CDON: variants seen among roughly 807,000 people sequenced by gnomAD.
The protein encoded by CDON is cell adhesion molecule-related/down-regulated by oncogenes.
A neutral mutation model predicts 120.9 loss-of-function variants in CDON; 73 were observed. The observed-to-expected ratio is 0.60, with a 90% CI of 0.50 to 0.73. CDON has a LOEUF of 0.73. CDON is among the 30% of genes least tolerant of loss of function. CDON has a pLI of 0.00. For missense variants in CDON, 1,470 were observed against 1,587.3 expected (o/e 0.93, Z 1.26); for synonymous variants, 566 against 573.5 (o/e 0.99, Z 0.19).
intron 18 of CDON, among the ~76,000 whole-genome samples, chr11:125,973,615 C>T (rs768856660): frequency 3.9e-5 from 6 of 152,308 alleles, no homozygotes; most frequent in African/African-American, 4.8e-5. Context: ...TGATTTCACT[C>T]GCCTTTTAAT....
intron 1 of CDON, among the ~76,000 whole-genome samples, chr11:126,061,528 C>T (rs1295681306): frequency 6.6e-6 from 1 of 152,168 alleles, no homozygotes; most frequent in Non-Finnish European, 1.5e-5. Context: ...TAACACCCTC[C>T]CCACCTTCCT....
intron 1 of CDON, among the ~76,000 whole-genome samples, chr11:126,058,231 T>C (rs1264967424): frequency 1.3e-5 from 2 of 152,220 alleles, no homozygotes; most frequent in Non-Finnish European, 2.9e-5. Flanking sequence ...GGCACATCAG[T>C]GGCTCTTAAG....
rs766454242 is a variant in CDON, at chr11:126,005,892, C to A, written c.1718G>T (p.Gly573Val). 2 of 1,614,102 alleles carry A rather than the reference C, an allele frequency of 1.2e-6. No homozygotes were observed. Among genetic ancestry groups the A allele is most frequent in the Admixed American group, 1.7e-5 (1 of 60,016 alleles). Residue 573 changes from glycine (G) to valine (V), a missense_variant, in exon 9 of 20, where the codon GGC (glycine) becomes GTC (valine). Gly to Val is a moderately radical substitution (Grantham distance 109). Transcript: ENST00000531738. ...VESAPEKNAS[G>V]ISVPDAPIIL... Reference sequence around the variant, plus strand: ...GATGGGGGCATCAGGAACAGAGATGCCGCTGGCGTTTTTCTCTGGTGCTGA... The same window carrying A: ...GATGGGGGCATCAGGAACAGAGATGACGCTGGCGTTTTTCTCTGGTGCTGA...
intron 1 of CDON, among the ~76,000 whole-genome samples, chr11:126,050,115 G>A (rs79424347): frequency 0.011 from 1,594 of 150,954 alleles, 28 homozygotes; most frequent in African/African-American, 0.037. Context: ...AAGATACCAG[G>A]GAGTCAATTT....
chr11:125,973,042 T>TTTTTA (rs1946049860), intron 18 of CDON, among the ~76,000 whole-genome samples: 3 of 110,124 alleles, frequency 2.7e-5, no homozygotes, highest in Non-Finnish European at 5.7e-5. Context: ...TTTTTTTTTT[T>TTTTTA]AAATCCCTCA....
chr11:126,048,478 C>G (rs529144051), intron 1 of CDON, among the ~76,000 whole-genome samples: 1 of 152,194 alleles, frequency 6.6e-6, no homozygotes, highest in African/African-American at 2.4e-5. Context: ...TATGCTATTA[C>G]AATCATCCAA....
intron 4 of CDON, 68 bp downstream of exon 4, chr11:126,019,551 C>T: frequency 6.4e-7 from 1 of 1,558,916 alleles, no homozygotes; most frequent in Non-Finnish European, 8.8e-7. Context: ...GCACACAGAG[C>T]TTAGAAGTAG....
Position 126,021,429 on chromosome 11 carries a change from G to A in CDON, c.168C>T (p.Thr56=), listed in dbSNP as rs1334988120. 1 of 1,614,044 alleles carries A rather than the reference G, an allele frequency of 6.2e-7. No homozygotes were observed. The highest frequency in any genetic ancestry group is 8.5e-7 in the Non-Finnish European group (1 of 1,179,960). The part of the protein sequence containing the change: ...VVLHCSAQPV[T]TRISWLHNGK... ...CGTTATGCAGCCATGAGATACGAGT[G>A]GTCACAGGTTGAGCAGAACAATGCA... Residue 56 remains threonine, a synonymous_variant, in exon 3 of 20, where the codon ACC becomes ACT. Transcript: ENST00000531738.
intron 3 of CDON, among the ~76,000 whole-genome samples, chr11:126,020,426 G>T (rs1947599239): frequency 1.3e-5 from 2 of 152,090 alleles, no homozygotes; most frequent in Admixed American, 1.3e-4. Context: ...GTTCACTACG[G>T]ACGGAGCCTG....
At chr11:126,004,120 A>C (rs146913685) in intron 9 of CDON, 44 bp from the exon 10 acceptor site, 1 of 1,588,688 alleles carries the variant, frequency 6.3e-7, no homozygotes, top group Admixed American at 1.7e-5. Flanking sequence ...CAGGAGATGG[A>C]GGATAGGAAA....
At chr11:126,015,035 A>G (rs1373543798) in intron 7 of CDON, 1 of 600,374 alleles carries the variant, frequency 1.7e-6, no homozygotes, top group Non-Finnish European at 2.9e-6. Context: ...AATTTTTTAA[A>G]AACTTTTTTT....
At chr11:125,961,128 A>G in intron 19 of CDON, 23 bp from the exon 20 acceptor site, 1 of 1,610,958 alleles carries the variant, frequency 6.2e-7, no homozygotes, top group African/African-American at 1.3e-5. Context: ...AGGGTTTGGG[A>G]GCATTATCAA....
At chr11:125,973,444 T>C (rs1226580826) in intron 18 of CDON, among the ~76,000 whole-genome samples, 3 of 152,126 alleles carry the variant, frequency 2.0e-5, no homozygotes, top group African/African-American at 7.2e-5. Flanking sequence ...AGGCAGAGAA[T>C]TGCTTGAACC....
chr11:126,049,370 C>T (rs952993076), intron 1 of CDON, among the ~76,000 whole-genome samples: 9 of 152,194 alleles, frequency 5.9e-5, no homozygotes, highest in Admixed American at 2.0e-4. Context: ...TAAGCAAGGC[C>T]AGAGTTTTCC....
Position 125,961,775 on chromosome 11 carries a change from C to T in CDON, c.3580G>A (p.Val1194Ile). Residue 1194 changes from valine to isoleucine, a missense_variant, in exon 19 of 20, where the codon GTA becomes ATA. Physicochemically the swap from Val to Ile is conservative, Grantham distance 29 (BLOSUM62 3). Transcript: ENST00000531738. ...GAGCCATCAGAGCTGACGTCATTTA[C>T]AATGTCCTGACAGCAGGTACGCTGA... Reference protein sequence around the residue: ...PTQRTCCQDIVNDVSSDGSED... With the variant: ...PTQRTCCQDIINDVSSDGSED... The T allele has an allele frequency of 6.2e-7, 1 of 1,614,162 alleles. No homozygotes were observed. The highest frequency in any genetic ancestry group is 8.5e-7 in the Non-Finnish European group (1 of 1,180,004).
intron 1 of CDON, among the ~76,000 whole-genome samples, chr11:126,057,407 C>T (rs1367106882): frequency 6.6e-6 from 1 of 152,136 alleles, no homozygotes; most frequent in African/African-American, 2.4e-5. Flanking sequence ...ATGTCTATTA[C>T]AATGCTCATT....
At chr11:125,980,456 T>C (rs1286974061) in intron 17 of CDON, among the ~76,000 whole-genome samples, 2 of 152,250 alleles carry the variant, frequency 1.3e-5, no homozygotes, top group African/African-American at 4.8e-5. Flanking sequence ...ATGTTTGGCA[T>C]GGCCTACGTA....
At chr11:126,032,193 G>C (rs1315074656) in intron 1 of CDON, among the ~76,000 whole-genome samples, 1 of 152,044 alleles carries the variant, frequency 6.6e-6, no homozygotes, top group Non-Finnish European at 1.5e-5. Context: ...AGGTGCTCCA[G>C]GAAAAAGAGA....
At chr11:126,028,747 A>T (rs1011377601) in intron 1 of CDON, among the ~76,000 whole-genome samples, 26 of 120,982 alleles carry the variant, frequency 2.1e-4, no homozygotes, top group Admixed American at 1.4e-3. Context: ...TTTATTTATT[A>T]TGTCTTGTAT....
Sources: allele counts gnomAD v4.1 joint callset (sites outside exome capture counted in the v4.1 genomes callset), GRCh38; gene constraint gnomAD v4.1.1; transcripts MANE v1.5; gene names NCBI Gene and HGNC (gene_info 2026-07-23, HGNC 2026-07-21).